The following CFAP263 variants were observed in gnomAD, a reference collection of about 807,000 sequenced individuals.
CFAP263 encodes cilia and flagella associated protein 263.
chr16:58,265,470 G>A, the CFAP263 span, among the ~76,000 whole-genome samples: 4 of 152,316 alleles, frequency 2.6e-5, no homozygotes, highest in Middle Eastern at 6.8e-3. Flanking sequence ...GGAGCTGAGA[G>A]CGACCTCCTG....
the CFAP263 span, chr16:58,280,106 G>A: frequency 3.9e-6 from 4 of 1,032,190 alleles, no homozygotes; most frequent in Admixed American, 2.4e-5. Context: ...TATGCCATGG[G>A]CTTATCCGTG....
the CFAP263 span, chr16:58,280,141 A>G: frequency 1.4e-6 from 2 of 1,421,694 alleles, no homozygotes; most frequent in Admixed American, 4.2e-5. Flanking sequence ...CAACTATCAA[A>G]AACAGACATC....
the CFAP263 span, among the ~76,000 whole-genome samples, chr16:58,255,067 C>G: frequency 6.6e-6 from 1 of 152,140 alleles, no homozygotes; most frequent in African/African-American, 2.4e-5. Flanking sequence ...AATCGATCGG[C>G]TGTCTGCAGG....
chr16:58,259,811 G>A, the CFAP263 span: 5 of 1,266,380 alleles, frequency 3.9e-6, no homozygotes, highest in Admixed American at 1.9e-5. Context: ...GGAAAAAGGA[G>A]AGAAATGGAT....
the CFAP263 span, chr16:58,259,829 A>G: frequency 5.6e-6 from 8 of 1,429,292 alleles, no homozygotes; most frequent in African/African-American, 4.2e-5. Context: ...GATTAAATGC[A>G]TTAAAATATG....
chr16:58,266,089 G>T, the CFAP263 span, among the ~76,000 whole-genome samples: 2 of 152,144 alleles, frequency 1.3e-5, no homozygotes, highest in Non-Finnish European at 2.9e-5. Flanking sequence ...AACAGGAAAT[G>T]AGCCTTAAAG....
the CFAP263 span, among the ~76,000 whole-genome samples, chr16:58,269,456 A>C: frequency 5.9e-3 from 903 of 152,116 alleles, 5 homozygotes; most frequent in South Asian, 0.013. Flanking sequence ...AAGGAAAGAA[A>C]AGAAAAGAAA....
At chr16:58,266,664 G>T in the CFAP263 span, among the ~76,000 whole-genome samples, 3 of 151,776 alleles carry the variant, frequency 2.0e-5, no homozygotes, top group Non-Finnish European at 4.4e-5. Context: ...AAATCACTGC[G>T]TCTTTCCCTT....
chr16:58,259,835 A>G, the CFAP263 span: 1 of 1,448,930 alleles, frequency 6.9e-7, no homozygotes, highest in Admixed American at 1.8e-5. Context: ...ATGCATTAAA[A>G]TATGCCTTTA....
the CFAP263 span, among the ~76,000 whole-genome samples, chr16:58,257,372 T>C: frequency 3.3e-5 from 5 of 152,220 alleles, no homozygotes; most frequent in Admixed American, 3.3e-4. Flanking sequence ...AACTGTATTT[T>C]TCACTTAACA....
At chr16:58,268,344 G>T in the CFAP263 span, among the ~76,000 whole-genome samples, 5 of 152,168 alleles carry the variant, frequency 3.3e-5, no homozygotes. Flanking sequence ...TTTGGGGAGG[G>T]CACAGGAGAA....
At chr16:58,274,022 C>T in the CFAP263 span, among the ~76,000 whole-genome samples, 2 of 152,346 alleles carry the variant, frequency 1.3e-5, no homozygotes, top group South Asian at 4.1e-4. Context: ...ACTAAGCTTA[C>T]AGCTGGTCTA....
chr16:58,277,882 T>C, the CFAP263 span, among the ~76,000 whole-genome samples: 45 of 152,056 alleles, frequency 3.0e-4, no homozygotes, highest in African/African-American at 1.1e-3. Flanking sequence ...GTCAAATTCA[T>C]AGAGACAGAA....
At chr16:58,279,602 C>T in the CFAP263 span, 1 of 1,096,456 alleles carries the variant, frequency 9.1e-7, no homozygotes, top group Non-Finnish European at 1.3e-6. Context: ...GGGCTGCATT[C>T]TCAGTAGCCA....
the CFAP263 span, among the ~76,000 whole-genome samples, chr16:58,257,218 C>G: frequency 8.8e-6 from 1 of 113,134 alleles, no homozygotes; most frequent in Non-Finnish European, 2.0e-5. Context: ...GGGGTTTCAC[C>G]GTTTTAGCCG....
chr16:58,261,073 G>T, the CFAP263 span, among the ~76,000 whole-genome samples: 6 of 152,246 alleles, frequency 3.9e-5, no homozygotes, highest in African/African-American at 1.4e-4. Context: ...CACAAGGTGA[G>T]CCCCACCCTT....
chr16:58,265,266 A>G, the CFAP263 span, among the ~76,000 whole-genome samples: 1 of 152,354 alleles, frequency 6.6e-6, no homozygotes, highest in East Asian at 1.9e-4. Context: ...ACTGTATGGC[A>G]CAGTTGATCT....
the CFAP263 span, among the ~76,000 whole-genome samples, chr16:58,269,153 T>C: frequency 1.2e-4 from 19 of 152,008 alleles, no homozygotes; most frequent in Admixed American, 1.1e-3. Context: ...GCCAACATGG[T>C]GAAACCCCGC....
chr16:58,277,241 G>C, the CFAP263 span, among the ~76,000 whole-genome samples: 1 of 151,834 alleles, frequency 6.6e-6, no homozygotes, highest in Non-Finnish European at 1.5e-5. Flanking sequence ...CAATTCTCCT[G>C]CCTCAGCCTC....
Sources: allele counts gnomAD v4.1 joint callset (sites outside exome capture counted in the v4.1 genomes callset), GRCh38; gene constraint gnomAD v4.1.1; transcripts MANE v1.5; gene names NCBI Gene and HGNC (gene_info 2026-07-23, HGNC 2026-07-21).